PXDNL: variants seen among roughly 807,000 people sequenced by gnomAD.
The protein encoded by PXDNL is peroxidasin like, also known as probable oxidoreductase PXDNL.
In PXDNL, 145 loss-of-function variants were observed where a neutral mutation model predicts 150.8. The observed-to-expected ratio is 0.96, with a 90% CI of 0.84 to 1.10. The LOEUF (loss-of-function observed/expected upper bound fraction) is 1.10, where lower values mean the gene tolerates loss of function less well. Among genes scored for constraint, PXDNL ranks in the 50% least tolerant of loss-of-function variants. The pLI, the probability that PXDNL is intolerant of heterozygous loss-of-function variation, is 0.00. For synonymous variants in PXDNL, 757 were observed against 725.7 expected (o/e 1.04, Z -0.69); for missense variants, 2,087 against 1,873.9 (o/e 1.11, Z -2.10).
chr8:51,457,348 GA>G lies in PXDNL; in HGVS notation c.982+149del, dbSNP rs1809958867. 3 of 638,870 alleles carry G rather than the reference GA, an allele frequency of 4.7e-6. No individual in the cohort carries two copies. In the East Asian group the frequency reaches 9.0e-5, roughly 19 times the overall value. 39.6% of individuals were successfully genotyped at this position (638,870 alleles called of 1,614,324 possible). Reference sequence around the variant, plus strand: ...CAGGAAATTAAAATAAACTTCAAGAGAAAAAAATTCAAGTTTCTCTAAAACA... The same window carrying G: ...CAGGAAATTAAAATAAACTTCAAGAGAAAAAATTCAAGTTTCTCTAAAACA... On this transcript the variant is annotated intron_variant, in intron 9 of 22. Coordinates refer to ENST00000356297, the MANE Select transcript of PXDNL (RefSeq NM_144651.5).
At chr8:51,327,837 A>C (rs1014179897) in intron 21 of PXDNL, among the ~76,000 whole-genome samples, 1 of 152,240 alleles carries the variant, frequency 6.6e-6, no homozygotes, top group Non-Finnish European at 1.5e-5. Flanking sequence ...TTTCTTAGAG[A>C]GCTAAGGTTG....
intron 7 of PXDNL, among the ~76,000 whole-genome samples, chr8:51,473,575 A>G (rs1311646214): frequency 6.6e-6 from 1 of 152,096 alleles, no homozygotes; most frequent in East Asian, 1.9e-4. Context: ...GAGAACACTG[A>G]GTTGGCTACA....
In PXDNL at chr8:51,577,987, GAAAGAAAGAAAGAGGAAGGAAGGA is replaced by G. The variant is rs1563471103; in HGVS notation, c.308+14616_308+14639del. 2.1e-3 allele frequency among the ~76,000 whole-genome samples: 149 copies of G among 70,644 alleles called. 1 individual carries two copies. Among genetic ancestry groups the G allele is most frequent in the African/African-American group, 5.4e-3 (98 of 18,182 alleles). The allele number at this position is 70,644 out of a possible 152,430, so 46.3% of individuals were successfully genotyped here. A position where few individuals can be genotyped will look rare whatever the true frequency, so the allele number is the denominator to read the frequency against. On this transcript the variant is annotated intron_variant, in intron 3 of 22. Transcript: ENST00000356297. Reference sequence around the variant, plus strand: ...AGAAAGAAAGAAAGAAAGAAAGAAAGAAAGAAAGAAAGAGGAAGGAAGGAAGGAAGGAAGGAAGGAAGGAAGGAA... The same window carrying G: ...AGAAAGAAAGAAAGAAAGAAAGAAAGAGGAAGGAAGGAAGGAAGGAAGGAA...
At chr8:51,533,730 G>A (rs1333558290) in intron 4 of PXDNL, among the ~76,000 whole-genome samples, 4 of 150,820 alleles carry the variant, frequency 2.7e-5, no homozygotes, top group South Asian at 4.2e-4. Context: ...CGAGTGATCC[G>A]CCAGCCTCGG....
At chr8:51,656,687 C>A (rs1338336098) in intron 1 of PXDNL, among the ~76,000 whole-genome samples, 1 of 152,078 alleles carries the variant, frequency 6.6e-6, no homozygotes, top group Non-Finnish European at 1.5e-5. Flanking sequence ...CAGAAAAGTA[C>A]AAATGAGAAA....
intron 5 of PXDNL, among the ~76,000 whole-genome samples, chr8:51,493,019 G>T (rs984065418): frequency 6.6e-6 from 1 of 152,212 alleles, no homozygotes; most frequent in Admixed American, 6.5e-5. Context: ...TAGCCTAACT[G>T]GGAGGCACCC....
chr8:51,457,736 G>A, intron 8 of PXDNL, 69 bp from the exon 9 acceptor site: 2 of 1,223,932 alleles, frequency 1.6e-6, no homozygotes. Context: ...ACAAGACTGA[G>A]AATATAGTAC....
chr8:51,549,223 A>G (rs541179787), intron 4 of PXDNL, among the ~76,000 whole-genome samples: 1 of 152,268 alleles, frequency 6.6e-6, no homozygotes, highest in Admixed American at 6.5e-5. Flanking sequence ...TGGCAACACA[A>G]TCATAATGGG....
intron 17 of PXDNL, among the ~76,000 whole-genome samples, chr8:51,386,376 C>A (rs1807712419): frequency 6.6e-6 from 1 of 152,160 alleles, no homozygotes; most frequent in African/African-American, 2.4e-5. Flanking sequence ...CAGGCGTGAG[C>A]CACTGTGCCC....
At chr8:51,515,488 C>T (rs950857371) in intron 4 of PXDNL, among the ~76,000 whole-genome samples, 4 of 152,162 alleles carry the variant, frequency 2.6e-5, no homozygotes, top group Admixed American at 6.5e-5. Flanking sequence ...TGTACCCAAG[C>T]GCACTGCGGA....
rs537898652 is a variant in PXDNL, at chr8:51,588,557, C to T, written c.308+4070G>A. ...CACTTGTGTATGTAATTGATCCAAGCCTCTGCAACATTGAACATCTGTCTT... is the reference window on the plus strand; with the variant it reads ...CACTTGTGTATGTAATTGATCCAAGTCTCTGCAACATTGAACATCTGTCTT... On this transcript the variant is annotated intron_variant, in intron 3 of 22. Transcript: ENST00000356297. 9.9e-4 allele frequency among the ~76,000 whole-genome samples: 151 copies of T among 152,324 alleles called. 1 individual carries two copies. Among genetic ancestry groups the T allele is most frequent in the African/African-American group, 3.4e-3 (143 of 41,574 alleles).
At chr8:51,377,921 ACTGG>A (rs1554531624) in intron 17 of PXDNL, among the ~76,000 whole-genome samples, 1 of 152,232 alleles carries the variant, frequency 6.6e-6, no homozygotes, top group Non-Finnish European at 1.5e-5. Flanking sequence ...AGAGCAGGGG[ACTGG>A]CAGGCAGCTC....
chr8:51,631,024 T>A (rs1314505318), intron 2 of PXDNL, among the ~76,000 whole-genome samples: 1 of 152,012 alleles, frequency 6.6e-6, no homozygotes, highest in Admixed American at 6.6e-5. Context: ...AGACACAGAA[T>A]CAACTTAAAA....
intron 4 of PXDNL, among the ~76,000 whole-genome samples, chr8:51,529,406 T>C (rs1324126619): frequency 6.6e-6 from 1 of 152,160 alleles, no homozygotes; most frequent in Non-Finnish European, 1.5e-5. Context: ...TCAACAGCAT[T>C]GCCCACAGGT....
rs140711022 is a variant in PXDNL at position 51,608,121 on chromosome 8, C to G, written c.237-15423G>C. Reference sequence around the variant, plus strand: ...AGCAAGCAAGCAAGCCGGGCACGGTCGCTCACGCCTGTAATCCCAGCACTT... The same window carrying G: ...AGCAAGCAAGCAAGCCGGGCACGGTGGCTCACGCCTGTAATCCCAGCACTT... On this transcript the variant is annotated intron_variant, in intron 2 of 22. Transcript: ENST00000356297. 3.0e-3 allele frequency among the ~76,000 whole-genome samples: 443 copies of G among 146,158 alleles called. 19 individuals are homozygous for G. The East Asian group carries it at 0.063, about 21-fold the overall frequency.
At chr8:51,429,728 T>C (rs1346735836) in intron 12 of PXDNL, among the ~76,000 whole-genome samples, 6 of 149,202 alleles carry the variant, frequency 4.0e-5, no homozygotes, top group Middle Eastern at 3.5e-3. Flanking sequence ...TCTCACTCTG[T>C]CACCCAGGCT....
At chr8:51,597,481 G>A (rs142539237) in intron 2 of PXDNL, among the ~76,000 whole-genome samples, 1,734 of 152,122 alleles carry the variant, frequency 0.011, 14 homozygotes, top group South Asian at 0.026. Flanking sequence ...GAATCTATAG[G>A]TCACTTTGAG....
chr8:51,383,070 A>G (rs547989495), intron 17 of PXDNL, among the ~76,000 whole-genome samples: 2 of 152,370 alleles, frequency 1.3e-5, no homozygotes, highest in Middle Eastern at 6.8e-3. Context: ...TTAATCATGT[A>G]GAGCCTATGT....
intron 8 of PXDNL, among the ~76,000 whole-genome samples, chr8:51,469,158 A>G (rs1810268397): frequency 6.6e-6 from 1 of 152,046 alleles, no homozygotes; most frequent in Non-Finnish European, 1.5e-5. Context: ...TTTTTCCTTA[A>G]CACTCTAAAT....
Sources: gnomAD v4.1 joint callset for allele counts (sites outside exome capture counted in the v4.1 genomes callset) on GRCh38, gnomAD v4.1.1 for gene constraint, MANE v1.5 for transcripts, NCBI Gene and HGNC (gene_info 2026-07-23, HGNC 2026-07-21) for gene names.